Variants in DHX29 observed in about 807,000 individuals in gnomAD.
DHX29 encodes the protein ATP-dependent RNA helicase DHX29.
In DHX29, 79 loss-of-function variants were observed where a neutral mutation model predicts 167.9. That is an observed-to-expected ratio of 0.47 (90% confidence interval 0.39 to 0.57). The LOEUF is 0.57. Among genes scored for constraint, DHX29 ranks in the 20% least tolerant of loss-of-function variants. DHX29 has a pLI of 0.00. For missense variants in DHX29, 1,347 were observed against 1,593.4 expected, an observed-to-expected ratio of 0.85 and a Z score of 2.63; for synonymous variants, 530 against 546.0, an observed-to-expected ratio of 0.97 and a Z score of 0.41.
intron 1 of DHX29, among the ~76,000 whole-genome samples, chr5:55,301,582 G>A (rs946065851): frequency 1.3e-5 from 2 of 152,064 alleles, no homozygotes; most frequent in East Asian, 3.9e-4. Flanking sequence ...GCGTGGTGGT[G>A]CATGCCTGTA....
chr5:55,303,109 TAA>T, intron 1 of DHX29, among the ~76,000 whole-genome samples: 1 of 147,138 alleles, frequency 6.8e-6, no homozygotes, highest in South Asian at 2.1e-4. Flanking sequence ...CTCAGCTAAT[TAA>T]AAAAAAAAAA....
In DHX29 at chr5:55,270,695, C is replaced by T; in HGVS notation, c.2876G>A (p.Ser959Asn). The T allele has an allele frequency of 1.2e-6, 2 of 1,611,854 alleles. No individual in the cohort carries two copies. Among genetic ancestry groups the T allele is most frequent in the East Asian group, 2.2e-5 (1 of 44,858 alleles). ...GRTKENKYHESSQMSSLVETF... is the reference protein window; with the variant it reads ...GRTKENKYHENSQMSSLVETF... ...CTCCACCAAAGAACTCATCTGACTG[C>T]TTTCATGGTACCTAAAGAAATGTTT... Residue 959 changes from serine (S) to asparagine (N), a missense_variant, in exon 19 of 27, where the codon AGC (serine) becomes AAC (asparagine). By Grantham distance (46) the Ser-to-Asn change is conservative. Coordinates refer to ENST00000251636, the MANE Select transcript of DHX29 (RefSeq NM_019030.4).
chr5:55,302,950 G>A (rs909166356), intron 1 of DHX29, among the ~76,000 whole-genome samples: 9 of 152,136 alleles, frequency 5.9e-5, no homozygotes, highest in Non-Finnish European at 7.4e-5. Context: ...AAGTAAGGAT[G>A]TTAGTATGCA....
At chr5:55,295,313 C>A (rs1748258099) in intron 5 of DHX29, 66 bp downstream of exon 5, 2 of 1,242,176 alleles carry the variant, frequency 1.6e-6, no homozygotes, top group Admixed American at 3.8e-5. Context: ...TATTTATACT[C>A]TTTGAACTGT....
chr5:55,305,250 G>A (rs996703138), intron 1 of DHX29, among the ~76,000 whole-genome samples: 2 of 152,200 alleles, frequency 1.3e-5, no homozygotes, highest in African/African-American at 4.8e-5. Context: ...GTGAATAGCA[G>A]GAAGAATTCA....
intron 24 of DHX29, 143 bp downstream of exon 24, chr5:55,262,487 G>C (rs1164584101): frequency 1.1e-5 from 11 of 1,029,568 alleles, no homozygotes; most frequent in African/African-American, 1.6e-5. Context: ...GAGAAGCTAT[G>C]TGCATCTTGA....
intron 12 of DHX29, among the ~76,000 whole-genome samples, chr5:55,280,838 T>C (rs1382672819): frequency 6.6e-6 from 1 of 152,136 alleles, no homozygotes; most frequent in Non-Finnish European, 1.5e-5. Context: ...TATAGATAAC[T>C]TGAACATTAT....
In DHX29 at chr5:55,264,034, C is replaced by T. The variant is rs150747995; in HGVS notation, c.3526-1102G>A. ...TCTGGGCCAAGTGAGGTGGCTCACA[C>T]CTGTAATCCTAGCACTTTGGGAGAC... is the stretch of plus-strand genomic sequence containing the variant. On this transcript the variant is annotated intron_variant, in intron 23 of 26. Coordinates refer to ENST00000251636, the MANE Select transcript of DHX29 (RefSeq NM_019030.4). Among the ~76,000 whole-genome samples, 204 of 151,990 alleles carry T rather than the reference C, an allele frequency of 1.3e-3. 2 individuals are homozygous for T. The Middle Eastern group carries it at 0.024, about 18-fold the overall frequency.
At chr5:55,258,014 T>C (rs556152214) in intron 26 of DHX29, among the ~76,000 whole-genome samples, 8 of 152,324 alleles carry the variant, frequency 5.3e-5, no homozygotes, top group African/African-American at 1.4e-4. Flanking sequence ...TATTTAGTTA[T>C]ACAAATAAAC....
At chr5:55,261,846 AACATTCAGCT>A (rs1405841629) in intron 24 of DHX29, among the ~76,000 whole-genome samples, 1 of 152,106 alleles carries the variant, frequency 6.6e-6, no homozygotes, top group Non-Finnish European at 1.5e-5. Context: ...TTTCTAAACC[AACATTCAGCT>A]ATGGGCATCA....
chr5:55,291,502 T>C (rs1278238980), intron 6 of DHX29, among the ~76,000 whole-genome samples: 3 of 152,226 alleles, frequency 2.0e-5, no homozygotes, highest in Admixed American at 1.3e-4. Context: ...ATGCACCTCT[T>C]GCCATCTTTG....
intron 12 of DHX29, among the ~76,000 whole-genome samples, chr5:55,278,006 T>G (rs1747210985): frequency 6.6e-6 from 1 of 150,870 alleles, no homozygotes; most frequent in African/African-American, 2.4e-5. Flanking sequence ...AACTATACTG[T>G]CACCATTACA....
Position 55,307,547 on chromosome 5 carries a change from C to T in DHX29, c.27G>A (p.Lys9=). 1 of 1,613,726 alleles carries T rather than the reference C, an allele frequency of 6.2e-7. No homozygotes were observed. Among genetic ancestry groups the T allele is most frequent in the Admixed American group, 1.7e-5 (1 of 60,030 alleles). The change falls in exon 1 of 27, where the codon AAG becomes AAA. Residue 9 remains lysine (K), a synonymous_variant. Coordinates refer to ENST00000251636, the MANE Select transcript of DHX29 (RefSeq NM_019030.4). MGGKNKKH[K]APAAAVVRAA... ...CCCGGACCACCGCGGCCGCTGGAGCCTTGTGTTTCTTGTTCTTGCCGCCCA... is the reference window on the plus strand; with the variant it reads ...CCCGGACCACCGCGGCCGCTGGAGCTTTGTGTTTCTTGTTCTTGCCGCCCA...
chr5:55,298,435 T>C (rs1470557743), intron 2 of DHX29, among the ~76,000 whole-genome samples, 156 bp downstream of exon 2: 1 of 152,218 alleles, frequency 6.6e-6, no homozygotes, highest in Non-Finnish European at 1.5e-5. Flanking sequence ...AACATATGTG[T>C]ATGATTTACT....
chr5:55,282,110 T>C (rs1472000396), intron 11 of DHX29, among the ~76,000 whole-genome samples: 1 of 152,148 alleles, frequency 6.6e-6, no homozygotes, highest in Non-Finnish European at 1.5e-5. Flanking sequence ...CTTTTCAAGA[T>C]GTTGAGAAAA....
At position 55,262,772 on chromosome 5, in the gene DHX29, C is replaced by T. The variant is rs1252512813; in HGVS notation, c.3686G>A (p.Gly1229Glu). ...CACTGACTTTGTATAGATTATCTTC[C>T]CCACATTGTCATACAGTCCAGCCAC... ...VLVAGLYDNV[G>E]KIIYTKSVDV... The change falls in exon 24 of 27, where the codon GGG becomes GAG. Residue 1229 changes from glycine (G) to glutamate (E), a missense_variant. Physicochemically the swap from Gly to Glu is moderately conservative, Grantham distance 98. This residue lies in a region of DHX29 where 882 missense variants were observed against 1,082.4 expected (regional missense o/e 0.81). Coordinates refer to ENST00000251636, the MANE Select transcript of DHX29 (RefSeq NM_019030.4). 2 of 1,614,028 alleles carry T rather than the reference C, an allele frequency of 1.2e-6. No individual in the cohort carries two copies. The highest frequency in any genetic ancestry group is 1.7e-6 in the Non-Finnish European group (2 of 1,180,002).
At chr5:55,270,171 G>A (rs1746780102) in intron 20 of DHX29, among the ~76,000 whole-genome samples, 1 of 151,878 alleles carries the variant, frequency 6.6e-6, no homozygotes, top group African/African-American at 2.4e-5. Context: ...AGGCAACAGT[G>A]CCCCCAGTTG....
chr5:55,290,754 C>A (rs1748002448), intron 6 of DHX29, among the ~76,000 whole-genome samples: 1 of 152,234 alleles, frequency 6.6e-6, no homozygotes, highest in African/African-American at 2.4e-5. Flanking sequence ...GTGGCTCACG[C>A]CTATAATCCC....
chr5:55,304,327 T>C (rs982903603), intron 1 of DHX29, among the ~76,000 whole-genome samples: 1 of 149,152 alleles, frequency 6.7e-6, no homozygotes, highest in Non-Finnish European at 1.5e-5. Flanking sequence ...TTTTTTTTTT[T>C]TTTTGAGACC....
Sources: allele counts gnomAD v4.1 joint callset (sites outside exome capture counted in the v4.1 genomes callset), GRCh38; gene constraint gnomAD v4.1.1; regional missense constraint gnomAD v4.1.1; transcripts MANE v1.5; gene names NCBI Gene and HGNC (gene_info 2026-07-23, HGNC 2026-07-21).